The following SPIDR variants were observed in gnomAD, a reference collection of about 807,000 sequenced individuals.
SPIDR encodes the protein scaffold protein involved in DNA repair.
In SPIDR, 93 loss-of-function variants were observed where a neutral mutation model predicts 104.6. The observed-to-expected ratio is 0.89, with a 90% CI of 0.75 to 1.06. The LOEUF (loss-of-function observed/expected upper bound fraction) is 1.06, where lower values mean the gene tolerates loss of function less well. Ranked by LOEUF, SPIDR falls within the 50% of genes least tolerant of loss-of-function variation. SPIDR has a pLI of 0.00. For synonymous variants in SPIDR, 431 were observed against 416.9 expected (o/e 1.03, Z -0.41); for missense variants, 1,154 against 1,111.2 (o/e 1.04, Z -0.55).
chr8:47,360,596 T>C (rs530423508), intron 5 of SPIDR, among the ~76,000 whole-genome samples: 1 of 152,292 alleles, frequency 6.6e-6, no homozygotes, highest in South Asian at 2.1e-4. Flanking sequence ...CCGGGGCTGT[T>C]GGTAAACTCC....
chr8:47,735,220 C>A, intron 19 of SPIDR, 87 bp from the exon 20 acceptor site: 1 of 1,325,466 alleles, frequency 7.5e-7, no homozygotes, highest in Admixed American at 1.7e-5. Flanking sequence ...AAAGGGCCTT[C>A]CACTCTGGCT....
intron 8 of SPIDR, among the ~76,000 whole-genome samples, chr8:47,557,584 A>T (rs367562716): frequency 1.3e-5 from 2 of 152,200 alleles, no homozygotes; most frequent in East Asian, 3.8e-4. Flanking sequence ...TTGTTACTGT[A>T]TTAAAGTGTG....
chr8:47,694,472 AAATG>A (rs1186947598), intron 11 of SPIDR, among the ~76,000 whole-genome samples: 1 of 152,188 alleles, frequency 6.6e-6, no homozygotes, highest in Admixed American at 6.5e-5. Context: ...AAAAAAATAA[AAATG>A]AATGAGGACT....
At position 47,649,927 on chromosome 8, in the gene SPIDR, C is replaced by T. The variant is rs543055553; in HGVS notation, c.1545-23874C>T. On this transcript the variant is annotated intron_variant, in intron 10 of 19. Transcript: ENST00000297423. Reference sequence around the variant, plus strand: ...CCAGCATCCCTTTATGATAAAAACTCTCCACAAACCTGGCATAGAAGGGAC... The same window carrying T: ...CCAGCATCCCTTTATGATAAAAACTTTCCACAAACCTGGCATAGAAGGGAC... Among the ~76,000 whole-genome samples the T allele has an allele frequency of 2.0e-4, 30 of 152,280 alleles. No homozygotes were observed. The South Asian group carries it at 6.2e-3, about 32-fold the overall frequency.
At chr8:47,429,667 A>T (rs981058327) in intron 7 of SPIDR, among the ~76,000 whole-genome samples, 1 of 152,124 alleles carries the variant, frequency 6.6e-6, no homozygotes, top group Non-Finnish European at 1.5e-5. Flanking sequence ...TTCTGGTCCA[A>T]ACTTGGCCAG....
intron 19 of SPIDR, among the ~76,000 whole-genome samples, chr8:47,730,066 T>C (rs932416749): frequency 2.0e-5 from 3 of 152,152 alleles, no homozygotes; most frequent in African/African-American, 7.2e-5. Flanking sequence ...GTTGGAGTCC[T>C]ACTGCCAAGG....
intron 8 of SPIDR, chr8:47,511,812 T>C (rs1037868202): frequency 9.8e-7 from 1 of 1,017,518 alleles, no homozygotes; most frequent in Non-Finnish European, 1.6e-6. Flanking sequence ...AACTTTTCTT[T>C]CTGGGAGGGC....
intron 8 of SPIDR, among the ~76,000 whole-genome samples, chr8:47,550,781 C>T (rs1013358595): frequency 1.3e-5 from 2 of 152,058 alleles, no homozygotes; most frequent in Non-Finnish European, 2.9e-5. Flanking sequence ...TCCTGATTGC[C>T]CTGGCCAGAA....
intron 8 of SPIDR, among the ~76,000 whole-genome samples, chr8:47,583,796 C>T (rs2059988069): frequency 6.6e-6 from 1 of 152,212 alleles, no homozygotes; most frequent in South Asian, 2.1e-4. Context: ...CATGTGCTCC[C>T]TTCCTCTCCC....
intron 8 of SPIDR, among the ~76,000 whole-genome samples, chr8:47,555,364 A>G (rs1262685834): frequency 1.3e-5 from 2 of 152,214 alleles, no homozygotes; most frequent in Admixed American, 6.5e-5. Flanking sequence ...TACTTGTTGC[A>G]TACTGTAGAG....
At chr8:47,559,679 G>A (rs2056831756) in intron 8 of SPIDR, among the ~76,000 whole-genome samples, 1 of 152,170 alleles carries the variant, frequency 6.6e-6, no homozygotes, top group Non-Finnish European at 1.5e-5. Context: ...GTTGGAGTGG[G>A]TTTAAAGATG....
intron 1 of SPIDR, chr8:47,279,244 T>C (rs1554556651): frequency 1.3e-5 from 2 of 152,648 alleles, no homozygotes; most frequent in Non-Finnish European, 2.9e-5. Flanking sequence ...TGTAAAAATA[T>C]GGCCACTTGT....
intron 8 of SPIDR, among the ~76,000 whole-genome samples, chr8:47,463,234 G>A (rs915673936): frequency 4.0e-5 from 6 of 151,704 alleles, no homozygotes; most frequent in African/African-American, 9.7e-5. Flanking sequence ...GGTGGTGGGC[G>A]CCCGTAGTTT....
At chr8:47,469,781 C>G (rs2075413234) in intron 8 of SPIDR, among the ~76,000 whole-genome samples, 1 of 152,030 alleles carries the variant, frequency 6.6e-6, no homozygotes, top group South Asian at 2.1e-4. Context: ...AGGCTTAATA[C>G]CTGGGTGATG....
chr8:47,713,047 C>T (rs2082098547), intron 15 of SPIDR, 175 bp downstream of exon 15: 5 of 1,375,356 alleles, frequency 3.6e-6, no homozygotes, highest in Non-Finnish European at 4.7e-6. Flanking sequence ...CTGTAGCAGC[C>T]ACCTGGGCAG....
At chr8:47,282,394 C>CT (rs1313644931) in intron 2 of SPIDR, among the ~76,000 whole-genome samples, 14 of 152,360 alleles carry the variant, frequency 9.2e-5, no homozygotes, top group Non-Finnish European at 1.9e-4. Flanking sequence ...TATTGAAAGT[C>CT]TGTTTTTTAG....
intron 8 of SPIDR, among the ~76,000 whole-genome samples, chr8:47,444,149 C>A (rs993316603): frequency 6.6e-6 from 1 of 152,142 alleles, no homozygotes; most frequent in Admixed American, 6.5e-5. Context: ...ACTACTCAAG[C>A]AAACTGAAAG....
At chr8:47,676,926 A>C (rs1171574846) in intron 11 of SPIDR, among the ~76,000 whole-genome samples, 1 of 152,248 alleles carries the variant, frequency 6.6e-6, no homozygotes, top group Non-Finnish European at 1.5e-5. Context: ...GAAAAACAGC[A>C]TCATAGCTTT....
intron 8 of SPIDR, among the ~76,000 whole-genome samples, chr8:47,465,243 C>T (rs939322612): frequency 1.3e-5 from 2 of 152,172 alleles, no homozygotes; most frequent in African/African-American, 4.8e-5. Flanking sequence ...AAGGAAAGAC[C>T]ATTATCAGCC....
Sources: gnomAD v4.1 joint callset for allele counts (sites outside exome capture counted in the v4.1 genomes callset) on GRCh38, gnomAD v4.1.1 for gene constraint, MANE v1.5 for transcripts, NCBI Gene and HGNC (gene_info 2026-07-23, HGNC 2026-07-21) for gene names.